Variants in CSMD3 observed in about 807,000 individuals in gnomAD.
The protein encoded by CSMD3 is CUB and sushi domain-containing protein 3.
In CSMD3, 177 loss-of-function variants were observed where a neutral mutation model predicts 435.2. The ratio of observed to expected loss-of-function variants is 0.41; its 90% CI spans 0.36 to 0.46. The LOEUF (loss-of-function observed/expected upper bound fraction) is 0.46, where lower values mean the gene tolerates loss of function less well. CSMD3 is among the 20% of genes least tolerant of loss of function. The pLI is 0.34. For missense variants in CSMD3, 4,265 were observed against 4,504.6 expected (o/e 0.95, Z 1.52); for synonymous variants, 1,656 against 1,520.5 (o/e 1.09, Z -2.07).
chr8:112,637,038 G>A (rs759311344), intron 21 of CSMD3, 33 bp from the exon 22 acceptor site: 5 of 1,551,538 alleles, frequency 3.2e-6, no homozygotes, highest in Admixed American at 1.7e-5. Context: ...TCCCCGCGGG[G>A]GAGGAAAGGA....
chr8:112,496,119 G>A (rs1231461491), intron 30 of CSMD3, among the ~76,000 whole-genome samples: 3 of 151,924 alleles, frequency 2.0e-5, no homozygotes, highest in East Asian at 1.9e-4. Context: ...ACAGGAGCCC[G>A]CCACCACGCC....
chr8:112,531,564 C>A (rs1825541401), intron 27 of CSMD3, among the ~76,000 whole-genome samples: 1 of 152,000 alleles, frequency 6.6e-6, no homozygotes, highest in Non-Finnish European at 1.5e-5. Context: ...TCCTGGCAAC[C>A]CAAGAAATTT....
intron 10 of CSMD3, among the ~76,000 whole-genome samples, chr8:112,887,206 T>G (rs1255855106): frequency 1.3e-5 from 2 of 150,936 alleles, no homozygotes; most frequent in African/African-American, 4.9e-5. Context: ...TTGTTTTTTT[T>G]TTTTTTTGAA....
intron 4 of CSMD3, among the ~76,000 whole-genome samples, chr8:113,123,334 T>C (rs1356436147): frequency 6.6e-6 from 1 of 152,124 alleles, no homozygotes. Context: ...GATTTCGTCC[T>C]TTTGAAAATT....
Position 112,507,087 on chromosome 8 carries a change from TTCTG to T in CSMD3, c.4757-262_4757-259del, listed in dbSNP as rs546135701. ...GACCAAAAAGAATGCATATATACTT[TTCTG>T]TCTTTCTATTATTATTTTGTTTCAT... On this transcript the variant is annotated intron_variant, in intron 28 of 70. Transcript: ENST00000297405. 1.2e-3 allele frequency among the ~76,000 whole-genome samples: 176 copies of T among 152,262 alleles called. 1 individual carries two copies. Among genetic ancestry groups the T allele is most frequent in the African/African-American group, 4.0e-3 (165 of 41,548 alleles).
At chr8:113,041,615 A>G (rs992167776) in intron 5 of CSMD3, among the ~76,000 whole-genome samples, 1 of 151,950 alleles carries the variant, frequency 6.6e-6, no homozygotes, top group Non-Finnish European at 1.5e-5. Context: ...TTTATTATCA[A>G]CTGGTATGAG....
chr8:113,017,037 C>T lies in CSMD3; in HGVS notation c.1030+2030G>A, dbSNP rs1045208468. Among the ~76,000 whole-genome samples, 4 of 151,978 alleles carry T rather than the reference C, an allele frequency of 2.6e-5. No homozygotes were observed. In the South Asian group the frequency reaches 6.2e-4, roughly 24 times the overall value. ...GCATATTTTTATAATAAAACTTTCC[C>T]TTAATCTTATTATAAAATCAAAGCT... On this transcript the variant is annotated intron_variant, in intron 6 of 70. Transcript: ENST00000297405.
chr8:113,376,630 C>T, intron 1 of CSMD3: 1 of 1,255,148 alleles, frequency 8.0e-7, no homozygotes, highest in Non-Finnish European at 1.2e-6. Flanking sequence ...AAGTTTACCA[C>T]TCTCTCTTTC....
chr8:112,265,589 T>C lies in CSMD3; in HGVS notation c.9510A>G (p.Ile3170Met). 1 of 1,605,704 alleles carries C rather than the reference T, an allele frequency of 6.2e-7. No individual in the cohort carries two copies. Among genetic ancestry groups the C allele is most frequent in the Non-Finnish European group, 8.5e-7 (1 of 1,172,420 alleles). The change falls in exon 60 of 71, where the codon ATA becomes ATG. Residue 3170 changes from isoleucine to methionine, a missense_variant and splice_region_variant. Around this residue, in one of 3 missense-constraint regions of CSMD3, gnomAD observed 3,255 missense variants for 3,380.2 expected, o/e 0.96. Transcript: ENST00000297405. ...TWSGTLPNCT[I>M]ISCGDPGIPA... ...GTATACCTGGGTCTCCACAACTGAT[T>C]ACTGTCAGTATTGGATTAGAAGAGC... is the stretch of plus-strand genomic sequence containing the variant.
chr8:112,297,108 C>T (rs1820370427), intron 53 of CSMD3, among the ~76,000 whole-genome samples: 1 of 147,446 alleles, frequency 6.8e-6, no homozygotes, highest in South Asian at 2.1e-4. Flanking sequence ...AACCTTCCCA[C>T]GGATTTTTTT....
chr8:112,314,122 C>A, intron 48 of CSMD3, 70 bp from the exon 49 acceptor site: 2 of 1,185,490 alleles, frequency 1.7e-6, no homozygotes, highest in South Asian at 2.5e-5. Context: ...TATTTTATAT[C>A]TTTAGAATAG....
At position 112,287,186 on chromosome 8, in the gene CSMD3, C is replaced by T. The variant is rs550595010; in HGVS notation, c.9209G>A (p.Ser3070Asn). 72 of 1,613,720 alleles carry T rather than the reference C, an allele frequency of 4.5e-5. No homozygotes were observed. The highest frequency in any genetic ancestry group is 1.6e-4 in the South Asian group (15 of 91,084). Residue 3070 changes from serine (S) to asparagine (N), a missense_variant, in exon 58 of 71, where the codon AGC (serine) becomes AAC (asparagine). By Grantham distance (46) the Ser-to-Asn change is conservative (BLOSUM62 1). This residue lies in a region of CSMD3 where 3,255 missense variants were observed against 3,380.2 expected (regional missense o/e 0.96). Coordinates refer to ENST00000297405, the MANE Select transcript of CSMD3 (RefSeq NM_198123.2). The stretch of plus-strand genomic sequence containing the variant: ...TACAGTACTTTTAGTTCTGAAATTG[C>T]TTTCCTGTCTAGAGCCATGGCCGGG... The part of the protein sequence containing the change: ...GTPGHGSRQE[S>N]NFRTKSTVRY...
chr8:112,493,364 T>G (rs1820895104), intron 30 of CSMD3, among the ~76,000 whole-genome samples: 1 of 152,072 alleles, frequency 6.6e-6, no homozygotes, highest in South Asian at 2.1e-4. Flanking sequence ...ATTTAAAAGA[T>G]CTCCCCACAA....
At chr8:112,745,171 A>G (rs974668312) in intron 13 of CSMD3, among the ~76,000 whole-genome samples, 11 of 152,088 alleles carry the variant, frequency 7.2e-5, no homozygotes, top group African/African-American at 2.7e-4. Flanking sequence ...TAACTGTGAC[A>G]GTGTGTACTT....
At position 113,193,504 on chromosome 8, in the gene CSMD3, TC is replaced by T. The variant is rs74447359; in HGVS notation, c.515-19589del. Among the ~76,000 whole-genome samples, 24 of 130,624 alleles carry T rather than the reference TC, an allele frequency of 1.8e-4. No homozygotes were observed. In the East Asian group the frequency reaches 9.4e-3, roughly 51 times the overall value. 85.7% of individuals were successfully genotyped at this position (130,624 alleles called of 152,430 possible). A position where few individuals can be genotyped will look rare whatever the true frequency, so the allele number is the denominator to read the frequency against. ...AGATTCAACCTTCTAATGACTTCTCTCTGTTACTACTGCTTCATCTGATTAC... is the reference window on the plus strand; with the variant it reads ...AGATTCAACCTTCTAATGACTTCTCTTGTTACTACTGCTTCATCTGATTAC... On this transcript the variant is annotated intron_variant, in intron 3 of 70. Coordinates refer to ENST00000297405, the MANE Select transcript of CSMD3 (RefSeq NM_198123.2).
intron 4 of CSMD3, among the ~76,000 whole-genome samples, chr8:113,149,773 G>A (rs1588156081): frequency 1.3e-5 from 2 of 151,878 alleles, no homozygotes. Context: ...ATCCCTCAAA[G>A]GTTCCTAGAA....
intron 62 of CSMD3, 146 bp from the exon 63 acceptor site, chr8:112,254,472 T>C: frequency 1.5e-6 from 1 of 667,372 alleles, no homozygotes; most frequent in Non-Finnish European, 2.7e-6. Context: ...CATCTCTCCA[T>C]GGACAGAAGC....
At chr8:112,998,476 A>G (rs975271285) in intron 6 of CSMD3, among the ~76,000 whole-genome samples, 3 of 151,974 alleles carry the variant, frequency 2.0e-5, no homozygotes, top group African/African-American at 7.2e-5. Context: ...AAGTAAAATC[A>G]TCTCCTGACT....
intron 3 of CSMD3, among the ~76,000 whole-genome samples, chr8:113,263,579 T>A (rs149077231): frequency 6.6e-6 from 1 of 151,952 alleles, no homozygotes; most frequent in African/African-American, 2.4e-5. Context: ...ATACTCCCCC[T>A]CAACCTATGA....
Sources: allele counts gnomAD v4.1 joint callset (sites outside exome capture counted in the v4.1 genomes callset), GRCh38; gene constraint gnomAD v4.1.1; regional missense constraint gnomAD v4.1.1; transcripts MANE v1.5; gene names NCBI Gene and HGNC (gene_info 2026-07-23, HGNC 2026-07-21).